Variants in EYS observed in about 807,000 individuals in gnomAD.
EYS encodes the protein EGF-like photoreceptor maintenance factor.
In EYS, 250 loss-of-function variants were observed where a neutral mutation model predicts 282.1. That is an observed-to-expected ratio of 0.89 (90% CI 0.80 to 0.98). The LOEUF is 0.98. EYS is among the 50% of genes least tolerant of loss of function. The pLI is 0.00. For missense variants in EYS, 4,016 were observed against 3,709.0 expected (o/e 1.08, Z -2.15); for synonymous variants, 1,355 against 1,282.9 (o/e 1.06, Z -1.20).
intron 22 of EYS, among the ~76,000 whole-genome samples, chr6:64,792,106 C>CT (rs1774209161): frequency 6.6e-6 from 1 of 151,848 alleles, no homozygotes; most frequent in South Asian, 2.1e-4. Flanking sequence ...TTTTCTCACA[C>CT]TTTTGGGTAT....
At chr6:64,813,893 T>C (rs1242418199) in intron 21 of EYS, among the ~76,000 whole-genome samples, 1 of 152,014 alleles carries the variant, frequency 6.6e-6, no homozygotes, top group African/African-American at 2.4e-5. Flanking sequence ...CCTCTGCAGA[T>C]AACAGAATTC....
chr6:65,615,791 G>A (rs867908728), intron 2 of EYS, among the ~76,000 whole-genome samples: 7 of 152,068 alleles, frequency 4.6e-5, no homozygotes, highest in Admixed American at 1.3e-4. Context: ...AAAATTAGCC[G>A]GTCGTGGTGG....
chr6:64,159,281 T>C (rs1174369388), intron 31 of EYS, among the ~76,000 whole-genome samples: 1 of 151,960 alleles, frequency 6.6e-6, no homozygotes. Flanking sequence ...TCTATACAGG[T>C]CAGGCGCGGT....
intron 13 of EYS, among the ~76,000 whole-genome samples, chr6:65,044,756 T>C (rs1297295238): frequency 6.6e-6 from 1 of 151,826 alleles, no homozygotes; most frequent in African/African-American, 2.4e-5. Context: ...AGATTCCCTA[T>C]GTGTGTGTCA....
intron 15 of EYS, among the ~76,000 whole-genome samples, chr6:64,936,527 A>G (rs1768911263): frequency 1.3e-5 from 2 of 151,528 alleles, no homozygotes; most frequent in South Asian, 4.1e-4. Flanking sequence ...GATATTAAAA[A>G]TCCTAAGGAA....
At chr6:65,325,770 G>A (rs915862073) in intron 11 of EYS, among the ~76,000 whole-genome samples, 18 of 152,030 alleles carry the variant, frequency 1.2e-4, no homozygotes, top group African/African-American at 4.1e-4. Context: ...AATTAGTGTC[G>A]AGATCATTTT....
chr6:64,789,563 C>T (rs1290257233), intron 22 of EYS, among the ~76,000 whole-genome samples: 1 of 152,062 alleles, frequency 6.6e-6, no homozygotes, highest in African/African-American at 2.4e-5. Context: ...TAGCTGTAAC[C>T]CATACCAAGG....
chr6:65,460,265 G>A (rs1764782336), intron 5 of EYS, among the ~76,000 whole-genome samples: 1 of 150,742 alleles, frequency 6.6e-6, no homozygotes, highest in Admixed American at 6.7e-5. Flanking sequence ...AATCCACAAA[G>A]TAAGAAATAG....
chr6:64,947,932 A>G (rs1769345978), intron 14 of EYS, among the ~76,000 whole-genome samples: 1 of 151,790 alleles, frequency 6.6e-6, no homozygotes, highest in African/African-American at 2.4e-5. Context: ...CACACTGCTG[A>G]TTTTTATTTT....
At chr6:65,521,403 G>A (rs546315239) in intron 2 of EYS, among the ~76,000 whole-genome samples, 3 of 152,098 alleles carry the variant, frequency 2.0e-5, no homozygotes, top group African/African-American at 2.4e-5. Context: ...AAATCATTGT[G>A]AGGACTAAAT....
intron 5 of EYS, among the ~76,000 whole-genome samples, chr6:65,482,705 G>C (rs1765650924): frequency 6.6e-6 from 1 of 152,166 alleles, no homozygotes; most frequent in African/African-American, 2.4e-5. Flanking sequence ...CTACTAGTCA[G>C]ATTGGATCTC....
chr6:64,354,324 A>T (rs180806075), intron 29 of EYS, among the ~76,000 whole-genome samples: 2 of 151,756 alleles, frequency 1.3e-5, no homozygotes, highest in Admixed American at 1.3e-4. Context: ...AAGCCAAAAA[A>T]TTACTCCCAC....
At chr6:64,130,627 T>TAA (rs113104299) in intron 31 of EYS, among the ~76,000 whole-genome samples, 22 of 146,168 alleles carry the variant, frequency 1.5e-4, no homozygotes, top group African/African-American at 5.5e-4. Flanking sequence ...AAAGTATAAT[T>TAA]AAAAAAAAAA....
At position 64,958,668 on chromosome 6, in the gene EYS, G is replaced by A. The variant is rs369359920; in HGVS notation, c.2260-12754C>T. Among the ~76,000 whole-genome samples, 1,056 of 141,370 alleles carry A rather than the reference G, an allele frequency of 7.5e-3. 15 individuals carry two copies. Among genetic ancestry groups the A allele is most frequent in the African/African-American group, 0.025 (988 of 38,800 alleles). 92.7% of individuals were successfully genotyped at this position (141,370 alleles called of 152,430 possible). The stretch of plus-strand genomic sequence containing the variant: ...GAGGATGGTGTGAACCCGGAAGGCG[G>A]AGCTTGCAGTGAGCGGAGATCGCGC... On this transcript the variant is annotated intron_variant, in intron 14 of 42. Coordinates refer to ENST00000503581, the MANE Select transcript of EYS (RefSeq NM_001142800.2).
At chr6:64,775,868 A>G (rs1773663361) in intron 22 of EYS, among the ~76,000 whole-genome samples, 1 of 152,072 alleles carries the variant, frequency 6.6e-6, no homozygotes. Context: ...AAAAATTTAA[A>G]ATATAGCTGC....
chr6:65,072,222 T>G (rs1044571073), intron 12 of EYS, among the ~76,000 whole-genome samples: 3 of 151,554 alleles, frequency 2.0e-5, no homozygotes, highest in Non-Finnish European at 4.4e-5. Context: ...TGGGGAGAAA[T>G]TGTAAGAAAT....
intron 31 of EYS, among the ~76,000 whole-genome samples, chr6:64,125,194 A>C (rs181007476): frequency 1.4e-5 from 2 of 146,090 alleles, no homozygotes; most frequent in African/African-American, 5.3e-5. Context: ...CTCTCTCTCA[A>C]GGAGTAATGA....
chr6:64,573,168 T>A (rs1214793310), intron 26 of EYS, among the ~76,000 whole-genome samples: 1 of 152,136 alleles, frequency 6.6e-6, no homozygotes, highest in Non-Finnish European at 1.5e-5. Flanking sequence ...AAACAAGCAA[T>A]GGGGAAAGGA....
chr6:65,496,474 A>T (rs1198714375), intron 2 of EYS, among the ~76,000 whole-genome samples: 1 of 152,046 alleles, frequency 6.6e-6, no homozygotes, highest in Non-Finnish European at 1.5e-5. Context: ...CTCACAATTA[A>T]ACTCAAATTT....
Sources: allele counts gnomAD v4.1 joint callset (sites outside exome capture counted in the v4.1 genomes callset), GRCh38; gene constraint gnomAD v4.1.1; transcripts MANE v1.5; gene names NCBI Gene and HGNC (gene_info 2026-07-23, HGNC 2026-07-21).